Variants in ENTREP2 observed in about 807,000 individuals in gnomAD.
The protein encoded by ENTREP2 is endosomal transmembrane epsin interactor 2.
the ENTREP2 span, among the ~76,000 whole-genome samples, chr15:29,462,535 A>C: frequency 6.6e-6 from 1 of 152,210 alleles, no homozygotes; most frequent in East Asian, 1.9e-4. Context: ...ACTTGAACCC[A>C]GGAGGTGGAG....
the ENTREP2 span, among the ~76,000 whole-genome samples, chr15:29,567,790 C>A: frequency 6.6e-6 from 1 of 152,118 alleles, no homozygotes; most frequent in African/African-American, 2.4e-5. Flanking sequence ...TTTCTTAAAT[C>A]CAGGAGAGTT....
chr15:29,188,772 G>T, the ENTREP2 span, among the ~76,000 whole-genome samples: 1 of 152,188 alleles, frequency 6.6e-6, no homozygotes, highest in South Asian at 2.1e-4. Flanking sequence ...ATGATGACGA[G>T]CTTGGGGCTT....
chr15:29,145,269 T>C, the ENTREP2 span, among the ~76,000 whole-genome samples: 1 of 152,140 alleles, frequency 6.6e-6, no homozygotes, highest in Non-Finnish European at 1.5e-5. Context: ...AAAAACCCTA[T>C]GGTCATCTCA....
the ENTREP2 span, chr15:29,123,138 CAA>C: frequency 1.8e-6 from 1 of 563,826 alleles, no homozygotes; most frequent in African/African-American, 1.9e-5. Flanking sequence ...ATGCAATCCC[CAA>C]AGAGACACTG....
At chr15:29,282,637 T>G in the ENTREP2 span, among the ~76,000 whole-genome samples, 1 of 152,116 alleles carries the variant, frequency 6.6e-6, no homozygotes, top group Non-Finnish European at 1.5e-5. Flanking sequence ...ATTCAATATT[T>G]TAGATGCCTG....
the ENTREP2 span, among the ~76,000 whole-genome samples, chr15:29,155,198 C>A: frequency 6.6e-6 from 1 of 151,480 alleles, no homozygotes; most frequent in African/African-American, 2.4e-5. Flanking sequence ...AGGAGAATGG[C>A]GTGAACCCAG....
chr15:29,416,237 C>T, the ENTREP2 span, among the ~76,000 whole-genome samples: 1 of 152,168 alleles, frequency 6.6e-6, no homozygotes, highest in Admixed American at 6.6e-5. Context: ...CGCTACCTGA[C>T]TTCAAACTAT....
the ENTREP2 span, among the ~76,000 whole-genome samples, chr15:29,641,401 T>C: frequency 6.6e-6 from 1 of 152,136 alleles, no homozygotes. Context: ...ATCCTGTCTT[T>C]ACAAAATCCT....
the ENTREP2 span, among the ~76,000 whole-genome samples, chr15:29,527,511 T>C: frequency 1.3e-5 from 2 of 152,178 alleles, no homozygotes; most frequent in Non-Finnish European, 2.9e-5. Context: ...AAAATCCTTC[T>C]CATCTTCCCC....
At chr15:29,204,704 G>T in the ENTREP2 span, among the ~76,000 whole-genome samples, 1 of 152,206 alleles carries the variant, frequency 6.6e-6, no homozygotes, top group Admixed American at 6.5e-5. Flanking sequence ...CGGTGTTATT[G>T]ATGTTGCTAT....
chr15:29,588,161 G>T, the ENTREP2 span, among the ~76,000 whole-genome samples: 1 of 152,112 alleles, frequency 6.6e-6, no homozygotes, highest in Non-Finnish European at 1.5e-5. Context: ...CTGCAATGGG[G>T]ATCAAGCCAG....
the ENTREP2 span, among the ~76,000 whole-genome samples, chr15:29,144,993 A>T: frequency 6.6e-6 from 1 of 152,088 alleles, no homozygotes; most frequent in Non-Finnish European, 1.5e-5. Context: ...GAGGTGGAGG[A>T]TGCAGTCAGC....
the ENTREP2 span, among the ~76,000 whole-genome samples, chr15:29,384,748 C>A: frequency 6.6e-6 from 1 of 152,228 alleles, no homozygotes. Flanking sequence ...CACTCCCTTC[C>A]TGTCCCCAGC....
At chr15:29,126,439 A>ACCTGGC in the ENTREP2 span, 2 of 1,549,990 alleles carry the variant, frequency 1.3e-6, no homozygotes, top group African/African-American at 2.7e-5. Flanking sequence ...ATGGGCTGGA[A>ACCTGGC]CCTGGCGTAG....
chr15:29,552,609 C>T, the ENTREP2 span, among the ~76,000 whole-genome samples: 2 of 151,538 alleles, frequency 1.3e-5, no homozygotes, highest in Admixed American at 6.6e-5. Flanking sequence ...AAATTGGCAA[C>T]AGAAAAAAAC....
the ENTREP2 span, chr15:29,265,318 T>C: frequency 3.9e-5 from 6 of 152,286 alleles, no homozygotes; most frequent in East Asian, 1.2e-3. Context: ...GCTTTAAGAA[T>C]TGAAAAAGAA....
chr15:29,316,735 G>A, the ENTREP2 span, among the ~76,000 whole-genome samples: 6 of 152,102 alleles, frequency 3.9e-5, no homozygotes, highest in East Asian at 1.9e-4. Context: ...TGTAAATGTC[G>A]AAAAATATGA....
chr15:29,427,398 A>C, the ENTREP2 span, among the ~76,000 whole-genome samples: 1 of 152,172 alleles, frequency 6.6e-6, no homozygotes, highest in Non-Finnish European at 1.5e-5. Flanking sequence ...TGCTGCAACC[A>C]ATGACCAAAA....
chr15:29,417,469 A>G, the ENTREP2 span, among the ~76,000 whole-genome samples: 3 of 152,154 alleles, frequency 2.0e-5, no homozygotes, highest in African/African-American at 2.4e-5. Context: ...CAGTAAGGGG[A>G]ACATCACACA....
Sources: allele counts gnomAD v4.1 joint callset (sites outside exome capture counted in the v4.1 genomes callset), GRCh38; gene constraint gnomAD v4.1.1; transcripts MANE v1.5; gene names NCBI Gene and HGNC (gene_info 2026-07-23, HGNC 2026-07-21).